Variants in DCBLD2 observed in about 807,000 individuals in gnomAD.
The protein encoded by DCBLD2 is discoidin, CUB and LCCL domain containing 2.
In DCBLD2, 54 loss-of-function variants were observed where a neutral mutation model predicts 86.8. The observed-to-expected ratio is 0.62, with a 90% CI of 0.50 to 0.78. DCBLD2 has a LOEUF of 0.78. Ranked by LOEUF, DCBLD2 falls within the 30% of genes least tolerant of loss-of-function variation. The probability of loss-of-function intolerance (pLI) is 0.00; values close to 1 mark genes in which losing one functional copy is unlikely to be tolerated. For missense variants in DCBLD2, 908 were observed against 954.2 expected, an observed-to-expected ratio of 0.95 and a Z score of 0.64; for synonymous variants, 354 against 341.3, an observed-to-expected ratio of 1.04 and a Z score of -0.41.
At chr3:98,849,333 A>G (rs1260890297) in intron 3 of DCBLD2, 128 bp downstream of exon 3, 2 of 1,148,154 alleles carry the variant, frequency 1.7e-6, no homozygotes, top group Non-Finnish European at 2.5e-6. Flanking sequence ...AAATTTATAT[A>G]TGTGCTATTA....
At chr3:98,874,924 T>C (rs1258294058) in intron 2 of DCBLD2, among the ~76,000 whole-genome samples, 1 of 152,192 alleles carries the variant, frequency 6.6e-6, no homozygotes, top group East Asian at 1.9e-4. Context: ...AACTGCTGTT[T>C]TTTTAAGCCA....
At chr3:98,828,038 G>A (rs552166952) in intron 3 of DCBLD2, among the ~76,000 whole-genome samples, 37 of 152,132 alleles carry the variant, frequency 2.4e-4, no homozygotes, top group Non-Finnish European at 4.4e-4. Context: ...ACAAACAAAT[G>A]AATTGGACCC....
intron 2 of DCBLD2, among the ~76,000 whole-genome samples, chr3:98,865,840 C>A (rs1943133001): frequency 6.6e-6 from 1 of 151,434 alleles, no homozygotes; most frequent in African/African-American, 2.4e-5. Flanking sequence ...GGTATATCTC[C>A]TAATGCTATC....
Position 98,808,123 on chromosome 3 carries a change from G to T in DCBLD2, c.1628C>A (p.Thr543Asn), listed in dbSNP as rs1382836682. Residue 543 changes from threonine (T) to asparagine (N), a missense_variant, in exon 13 of 16, where the codon ACT (threonine) becomes AAT (asparagine). Thr to Asn is a moderately conservative substitution (Grantham distance 65, BLOSUM62 0). Transcript: ENST00000326840. ...AGCACACACTAATATGAGAATGAGA[G>T]TAGTGAGGACCATGACCAGCACAGG... ...LVPVLVMVLT[T>N]LILILVCAWH... 1 of 1,607,578 alleles carries T rather than the reference G, an allele frequency of 6.2e-7. No homozygotes were observed. Among genetic ancestry groups the T allele is most frequent in the African/African-American group, 1.3e-5 (1 of 74,760 alleles).
intron 1 of DCBLD2, among the ~76,000 whole-genome samples, chr3:98,886,109 A>G (rs1029111674): frequency 6.6e-6 from 1 of 151,964 alleles, no homozygotes; most frequent in Non-Finnish European, 1.5e-5. Flanking sequence ...CTATTCACTA[A>G]GAGACTGGTT....
intron 7 of DCBLD2, 108 bp from the exon 8 acceptor site, chr3:98,819,525 CTAA>C: frequency 9.1e-7 from 1 of 1,094,632 alleles, no homozygotes; most frequent in Non-Finnish European, 1.3e-6. Context: ...ATACACTACA[CTAA>C]TAATACACTG....
At chr3:98,861,623 A>T (rs1021179464) in intron 2 of DCBLD2, among the ~76,000 whole-genome samples, 27 of 152,224 alleles carry the variant, frequency 1.8e-4, no homozygotes, top group South Asian at 4.1e-4. Flanking sequence ...CTCCTGAATG[A>T]CTACTGGGTA....
intron 9 of DCBLD2, chr3:98,815,794 T>G (rs371109532): frequency 6.6e-6 from 1 of 151,980 alleles, no homozygotes; most frequent in Non-Finnish European, 1.5e-5. Context: ...AGATTAGACA[T>G]TTCAGAAGAA....
chr3:98,872,571 C>A (rs1395763060), intron 2 of DCBLD2, among the ~76,000 whole-genome samples: 1 of 152,036 alleles, frequency 6.6e-6, no homozygotes, highest in Non-Finnish European at 1.5e-5. Context: ...ACTGAGGAAA[C>A]TGGGTACAGA....
intron 6 of DCBLD2, chr3:98,820,805 T>C (rs1480749732): frequency 6.7e-6 from 1 of 148,554 alleles, no homozygotes; most frequent in Non-Finnish European, 1.5e-5. Context: ...CAACATCTCA[T>C]GGAAGAAGTT....
intron 2 of DCBLD2, among the ~76,000 whole-genome samples, chr3:98,866,265 G>C (rs1304325609): frequency 6.6e-6 from 1 of 152,132 alleles, no homozygotes; most frequent in Non-Finnish European, 1.5e-5. Context: ...TCTAGTTCTA[G>C]ATCCCTGAGG....
chr3:98,874,427 A>G (rs995859657), intron 2 of DCBLD2, among the ~76,000 whole-genome samples: 4 of 152,220 alleles, frequency 2.6e-5, no homozygotes, highest in African/African-American at 9.6e-5. Context: ...TTTCAATATT[A>G]GGGAACCCAT....
intron 3 of DCBLD2, among the ~76,000 whole-genome samples, chr3:98,844,122 AATGTATATATTT>A (rs1942675073): frequency 6.6e-6 from 1 of 151,622 alleles, no homozygotes; most frequent in South Asian, 2.1e-4. Context: ...TTTCAATGCA[AATGTATATATTT>A]CTTTTGAGTT....
intron 1 of DCBLD2, among the ~76,000 whole-genome samples, chr3:98,894,302 A>G (rs1163690716): frequency 1.3e-5 from 2 of 152,176 alleles, no homozygotes; most frequent in East Asian, 3.9e-4. Context: ...TAGTGAAGCT[A>G]CCTGAATGCT....
Position 98,890,077 on chromosome 3 carries a change from C to T in DCBLD2, c.206-8310G>A, listed in dbSNP as rs527781837. The stretch of plus-strand genomic sequence containing the variant: ...TCTAATGTCAATGCACTGCAATTCA[C>T]GTTCAAGACTGTTGCGGGTTGAATT... On this transcript the variant is annotated intron_variant, in intron 1 of 15. Coordinates refer to ENST00000326840, the MANE Select transcript of DCBLD2 (RefSeq NM_080927.4). Among the ~76,000 whole-genome samples, 5 of 152,054 alleles carry T rather than the reference C, an allele frequency of 3.3e-5. No individual in the cohort carries two copies. The South Asian group carries it at 6.2e-4, about 19-fold the overall frequency.
In DCBLD2 at chr3:98,859,721, T is replaced by G. The variant is rs980513785; in HGVS notation, c.434-10123A>C. 1.1e-4 allele frequency among the ~76,000 whole-genome samples: 16 copies of G among 152,328 alleles called. 1 individual carries two copies. The highest frequency in any genetic ancestry group is 7.2e-4 in the Admixed American group (11 of 15,296). ...AGGACATCCACACCAAAACCCCATC[T>G]GTATGTCACCAACATCAAAGACCAA... On this transcript the variant is annotated intron_variant, in intron 2 of 15. Coordinates refer to ENST00000326840, the MANE Select transcript of DCBLD2 (RefSeq NM_080927.4).
rs1941873862 is a variant in DCBLD2, at chr3:98,808,139, C to A, written c.1612G>T (p.Val538Phe). The A allele has an allele frequency of 1.9e-6, 3 of 1,606,512 alleles. No homozygotes were observed. The Admixed American group carries it at 5.1e-5, about 27-fold the overall frequency. Residue 538 changes from valine to phenylalanine, a missense_variant, in exon 13 of 16, where the codon GTC becomes TTC. Coordinates refer to ENST00000326840, the MANE Select transcript of DCBLD2 (RefSeq NM_080927.4). ...AGAATGAGAGTAGTGAGGACCATGACCAGCACAGGGACAAGAACTGCAGCC... is the reference window on the plus strand; with the variant it reads ...AGAATGAGAGTAGTGAGGACCATGAACAGCACAGGGACAAGAACTGCAGCC... ...ALAAVLVPVL[V>F]MVLTTLILIL... is the part of the protein sequence containing the mutation.
chr3:98,818,746 C>T (rs750975424), intron 8 of DCBLD2, among the ~76,000 whole-genome samples: 90 of 152,230 alleles, frequency 5.9e-4, no homozygotes, highest in Non-Finnish European at 9.0e-4. Context: ...TTCTCCCATG[C>T]TGGATGCTTC....
chr3:98,840,404 T>C (rs1412988402), intron 3 of DCBLD2, among the ~76,000 whole-genome samples: 1 of 152,216 alleles, frequency 6.6e-6, no homozygotes, highest in African/African-American at 2.4e-5. Flanking sequence ...AGTGCTTAGA[T>C]TATAATAAAT....
Sources: allele counts gnomAD v4.1 joint callset (sites outside exome capture counted in the v4.1 genomes callset), GRCh38; gene constraint gnomAD v4.1.1; transcripts MANE v1.5; gene names NCBI Gene and HGNC (gene_info 2026-07-23, HGNC 2026-07-21).